The following NOL4 variants were observed in gnomAD, a reference collection of about 807,000 sequenced individuals.
The protein encoded by NOL4 is nucleolar protein 4.
Under a neutral mutation model 75.9 loss-of-function variants are expected in NOL4, and 17 were observed. The ratio of observed to expected loss-of-function variants is 0.22; its 90% CI spans 0.15 to 0.34. The LOEUF is 0.34. Among genes scored for constraint, NOL4 ranks in the 10% least tolerant of loss-of-function variants. The pLI is 1.00. For synonymous variants in NOL4, 292 were observed against 289.9 expected, an observed-to-expected ratio of 1.01 and a Z score of -0.07; for missense variants, 614 against 793.5, an observed-to-expected ratio of 0.77 and a Z score of 2.72.
intron 9 of NOL4, among the ~76,000 whole-genome samples, chr18:33,895,815 G>T (rs1197828500): frequency 6.6e-6 from 1 of 152,072 alleles, no homozygotes; most frequent in African/African-American, 2.4e-5. Context: ...GAACAATTAG[G>T]CAAGAGAAAA....
At chr18:34,146,424 C>G (rs566311693) in intron 1 of NOL4, among the ~76,000 whole-genome samples, 14 of 152,154 alleles carry the variant, frequency 9.2e-5, no homozygotes, top group Admixed American at 2.6e-4. Context: ...GGAAGTGGTT[C>G]AGTTTCAGTT....
intron 9 of NOL4, among the ~76,000 whole-genome samples, chr18:33,937,722 AGTTTCT>A (rs1329716138): frequency 6.6e-6 from 1 of 152,102 alleles, no homozygotes; most frequent in Admixed American, 6.6e-5. Flanking sequence ...ACTTGGTAGA[AGTTTCT>A]GTGTGACACA....
chr18:34,173,694 CTGTGGG>C (rs1246571164), intron 1 of NOL4, among the ~76,000 whole-genome samples: 23 of 152,244 alleles, frequency 1.5e-4, no homozygotes, highest in South Asian at 1.0e-3. Context: ...TACCAACCTG[CTGTGGG>C]GCTCCACATA....
intron 5 of NOL4, among the ~76,000 whole-genome samples, chr18:34,091,002 G>C (rs539629411): frequency 4.8e-4 from 73 of 152,074 alleles, no homozygotes; most frequent in African/African-American, 1.7e-3. Context: ...TAAGAGGTAT[G>C]GCCTTTAGGA....
chr18:34,026,849 A>G (rs960940054), intron 5 of NOL4, among the ~76,000 whole-genome samples: 1 of 152,134 alleles, frequency 6.6e-6, no homozygotes, highest in African/African-American at 2.4e-5. Flanking sequence ...AATCAATAAA[A>G]GTTTTGTTGA....
In NOL4 at chr18:33,954,326, T is replaced by C. The variant is rs187125445; in HGVS notation, c.1428+3000A>G. 7.2e-5 allele frequency among the ~76,000 whole-genome samples: 11 copies of C among 152,234 alleles called. No individual in the cohort carries two copies. The East Asian group carries it at 2.1e-3, about 29-fold the overall frequency. On this transcript the variant is annotated intron_variant, in intron 8 of 10. Coordinates refer to ENST00000261592, the MANE Select transcript of NOL4 (RefSeq NM_003787.5). The stretch of plus-strand genomic sequence containing the variant: ...TTTTTCAATTAGTTGATTGAATCCA[T>C]AGATGCAGACCTTGCAGATCTATAC...
intron 2 of NOL4, among the ~76,000 whole-genome samples, chr18:34,110,722 TGAAA>T (rs887283650): frequency 2.8e-4 from 42 of 152,058 alleles, no homozygotes; most frequent in African/African-American, 8.9e-4. Context: ...CATCTAAACT[TGAAA>T]GAAAGAAATA....
intron 7 of NOL4, among the ~76,000 whole-genome samples, chr18:33,957,751 A>AAAGTCTTT (rs2069762748): frequency 6.6e-6 from 1 of 152,178 alleles, no homozygotes; most frequent in Non-Finnish European, 1.5e-5. Context: ...AAACATACAG[A>AAAGTCTTT]AAAGAATAGA....
chr18:34,040,370 TA>T (rs1164671505), intron 5 of NOL4, among the ~76,000 whole-genome samples: 27 of 152,032 alleles, frequency 1.8e-4, no homozygotes, highest in Admixed American at 1.4e-3. Context: ...TGATAGAAGC[TA>T]TTTTGAGGAT....
intron 1 of NOL4, among the ~76,000 whole-genome samples, chr18:34,146,223 G>C (rs550410965): frequency 6.6e-6 from 1 of 152,076 alleles, no homozygotes; most frequent in East Asian, 1.9e-4. Context: ...TCTCTGCTTT[G>C]TCATTATTTC....
intron 6 of NOL4, among the ~76,000 whole-genome samples, chr18:33,964,095 A>G (rs890118517): frequency 6.6e-6 from 1 of 152,160 alleles, no homozygotes; most frequent in African/African-American, 2.4e-5. Context: ...AAACGAGTTT[A>G]TATGTTCATA....
chr18:34,005,059 T>A (rs980215864), intron 6 of NOL4, among the ~76,000 whole-genome samples: 1 of 152,128 alleles, frequency 6.6e-6, no homozygotes, highest in East Asian at 1.9e-4. Flanking sequence ...ATACCAACTT[T>A]ATCTTATATT....
intron 1 of NOL4, among the ~76,000 whole-genome samples, chr18:34,167,649 T>C (rs1228859565): frequency 6.6e-6 from 1 of 152,020 alleles, no homozygotes; most frequent in Non-Finnish European, 1.5e-5. Context: ...CATATGTATG[T>C]GAAATCTTCA....
intron 5 of NOL4, among the ~76,000 whole-genome samples, chr18:34,091,810 G>A (rs2078535479): frequency 6.6e-6 from 1 of 152,152 alleles, no homozygotes; most frequent in Non-Finnish European, 1.5e-5. Context: ...TATCTTACAT[G>A]TAAGGCAAGG....
chr18:34,176,916 C>T (rs1159534973), intron 1 of NOL4, among the ~76,000 whole-genome samples: 1 of 151,930 alleles, frequency 6.6e-6, no homozygotes, highest in Non-Finnish European at 1.5e-5. Context: ...ATAAAAATTA[C>T]TGAAAGCAAT....
intron 9 of NOL4, among the ~76,000 whole-genome samples, chr18:33,938,550 CAT>C (rs1224315591): frequency 6.6e-6 from 1 of 152,098 alleles, no homozygotes; most frequent in Non-Finnish European, 1.5e-5. Context: ...GAGCTCTTTT[CAT>C]ATGTTTCTTG....
chr18:34,220,201 T>A (rs185113586), intron 1 of NOL4, among the ~76,000 whole-genome samples: 1 of 152,204 alleles, frequency 6.6e-6, no homozygotes, highest in Non-Finnish European at 1.5e-5. Context: ...TCTGTTCTAG[T>A]ATAACCTCCC....
intron 1 of NOL4, among the ~76,000 whole-genome samples, chr18:34,157,371 C>T (rs1280781773): frequency 6.6e-6 from 1 of 151,924 alleles, no homozygotes; most frequent in Non-Finnish European, 1.5e-5. Context: ...GGCATAGGGT[C>T]ATTAACTGAG....
At chr18:33,895,722 A>C (rs2065358547) in intron 9 of NOL4, among the ~76,000 whole-genome samples, 1 of 152,148 alleles carries the variant, frequency 6.6e-6, no homozygotes. Flanking sequence ...AAACGCTGGA[A>C]GCATTTCTTT....
Sources: gnomAD v4.1 joint callset for allele counts (sites outside exome capture counted in the v4.1 genomes callset) on GRCh38, gnomAD v4.1.1 for gene constraint, MANE v1.5 for transcripts, NCBI Gene and HGNC (gene_info 2026-07-23, HGNC 2026-07-21) for gene names.